AGBL5: variants seen among roughly 807,000 people sequenced by gnomAD.
The protein encoded by AGBL5 is AGBL carboxypeptidase 5.
Under a neutral mutation model 88.0 loss-of-function variants are expected in AGBL5, and 51 were observed. The ratio of observed to expected loss-of-function variants is 0.58; its 90% CI spans 0.46 to 0.73. The LOEUF (loss-of-function observed/expected upper bound fraction) is 0.73. AGBL5 is among the 30% of genes least tolerant of loss of function. The pLI is 0.00. For missense variants in AGBL5, 1,031 were observed against 1,162.2 expected (o/e 0.89, Z 1.64); for synonymous variants, 446 against 438.8 (o/e 1.02, Z -0.21).
intron 4 of AGBL5, 34 bp downstream of exon 4, chr2:27,054,093 C>G (rs1668311139): frequency 6.3e-7 from 1 of 1,578,318 alleles, no homozygotes; most frequent in South Asian, 1.2e-5. Context: ...GCCACACAGT[C>G]CTGGATCAGA....
intron 9 of AGBL5, among the ~76,000 whole-genome samples, chr2:27,057,676 C>CA (rs1668509146): frequency 6.6e-6 from 1 of 152,214 alleles, no homozygotes; most frequent in Non-Finnish European, 1.5e-5. Context: ...ACCTCTGAGT[C>CA]AGATTCTTTG....
At chr2:27,052,770 A>G in intron 1 of AGBL5, 143 bp from the exon 2 acceptor site, 1 of 473,518 alleles carries the variant, frequency 2.1e-6, no homozygotes, top group East Asian at 3.5e-5. Flanking sequence ...CTGGAAGACC[A>G]CTTCTATGTT....
At chr2:27,054,239 G>A (rs925808186) in intron 4 of AGBL5, 180 bp downstream of exon 4, 4 of 704,886 alleles carry the variant, frequency 5.7e-6, no homozygotes, top group African/African-American at 5.5e-5. Context: ...CCTGATCTCA[G>A]CATATCGACA....
intron 11 of AGBL5, among the ~76,000 whole-genome samples, chr2:27,064,974 C>T (rs1319180216): frequency 6.6e-6 from 1 of 151,612 alleles, no homozygotes; most frequent in Non-Finnish European, 1.5e-5. Context: ...AGGCTGGTCT[C>T]GAACTCCCGA....
chr2:27,056,947 G>A, intron 8 of AGBL5, 155 bp downstream of exon 8: 1 of 857,668 alleles, frequency 1.2e-6, no homozygotes, highest in South Asian at 2.4e-5. Context: ...GGCGAGCCGA[G>A]ATCGTGCCAT....
rs1668553597 is a variant in AGBL5 at position 27,058,544 on chromosome 2, ACT to A, written c.1819_1820del (p.Leu607GlufsTer36). The part of the protein sequence containing the change: ...HVRNSRGLSS[T>X]LNVGVNKKRG... Reference sequence around the variant, plus strand: ...ACGCAACAGCCGAGGCCTAAGCAGCACTCTGAATGTGGGTGTCAACAAGAAGA... The same window carrying A: ...ACGCAACAGCCGAGGCCTAAGCAGCACTGAATGTGGGTGTCAACAAGAAGA... On this transcript the variant is annotated frameshift_variant, in exon 10 of 15. Transcript: ENST00000360131. LOFTEE classifies it high-confidence loss of function. 6.2e-7 allele frequency: 1 copy of A among 1,614,028 alleles called. No individual in the cohort carries two copies. The highest frequency in any genetic ancestry group is 1.3e-5 in the African/African-American group (1 of 74,914).
chr2:27,063,839 C>A (rs1464974495), intron 11 of AGBL5, among the ~76,000 whole-genome samples: 1 of 152,160 alleles, frequency 6.6e-6, no homozygotes. Flanking sequence ...ACCTCTTAGA[C>A]CTTTGCCCAG....
chr2:27,067,423 A>G, intron 11 of AGBL5, 71 bp from the exon 12 acceptor site: 1 of 1,499,494 alleles, frequency 6.7e-7, no homozygotes, highest in Non-Finnish European at 9.1e-7. Context: ...GGAAGCCAGC[A>G]GGTCAGTGAA....
At chr2:27,052,747 C>T (rs1668222574) in intron 1 of AGBL5, among the ~76,000 whole-genome samples, 166 bp from the exon 2 acceptor site, 1 of 152,214 alleles carries the variant, frequency 6.6e-6, no homozygotes, top group African/African-American at 2.4e-5. Flanking sequence ...ATGCTGCTTT[C>T]TCTTGGCCTT....
intron 11 of AGBL5, among the ~76,000 whole-genome samples, chr2:27,064,925 T>C (rs887524272): frequency 2.0e-5 from 3 of 151,804 alleles, no homozygotes; most frequent in Non-Finnish European, 4.4e-5. Flanking sequence ...GGCTAATTTT[T>C]TGTATTTTTA....
intron 12 of AGBL5, 150 bp from the exon 13 acceptor site, chr2:27,068,482 A>C (rs1397423247): frequency 1.6e-6 from 1 of 635,708 alleles, no homozygotes; most frequent in African/African-American, 1.8e-5. Context: ...GATGCTGCGA[A>C]ACATCCTACA....
chr2:27,066,772 C>T (rs1669007818), intron 11 of AGBL5, among the ~76,000 whole-genome samples: 1 of 151,734 alleles, frequency 6.6e-6, no homozygotes, highest in South Asian at 2.1e-4. Flanking sequence ...TGGCAAAACC[C>T]CGTCTCTACT....
At chr2:27,067,468 T>C in intron 11 of AGBL5, 26 bp from the exon 12 acceptor site, 1 of 1,605,080 alleles carries the variant, frequency 6.2e-7, no homozygotes, top group Non-Finnish European at 8.5e-7. Flanking sequence ...TTTGCCCTTT[T>C]ATCTGCTTGT....
intron 9 of AGBL5, 38 bp downstream of exon 9, chr2:27,057,476 C>G (rs1668497541): frequency 3.2e-6 from 5 of 1,558,466 alleles, no homozygotes; most frequent in African/African-American, 1.4e-5. Flanking sequence ...AGGGAGAAAC[C>G]TTACAGTCTG....
chr2:27,059,251 A>C lies in AGBL5; in HGVS notation c.1936A>C (p.Thr646Pro). 1.2e-6 allele frequency: 2 copies of C among 1,614,246 alleles called. No homozygotes were observed. The highest frequency in any genetic ancestry group is 2.7e-5 in the African/African-American group (2 of 75,072). ...TCGGGCACGAAGTTTTAGCACCGGC[A>C]CAAGTGCCGGTGGTAGCAGCAGCAG... ...LSRARSFSTG[T>P]SAGGSSSSQQ... is the part of the protein sequence containing the mutation. Residue 646 changes from threonine to proline, a missense_variant, in exon 11 of 15, where the codon ACA becomes CCA. Around this residue, in one of 2 missense-constraint regions of AGBL5, gnomAD observed 491 missense variants for 484.0 expected, o/e 1.01. Coordinates refer to ENST00000360131, the MANE Select transcript of AGBL5 (RefSeq NM_021831.6).
chr2:27,052,874 T>C, intron 1 of AGBL5, 39 bp from the exon 2 acceptor site: 1 of 1,261,820 alleles, frequency 7.9e-7, no homozygotes. Flanking sequence ...TCGATTTGTC[T>C]TCCCTTTCCT....
At position 27,055,195 on chromosome 2, in the gene AGBL5, T is replaced by G; in HGVS notation, c.850T>G (p.Phe284Val). 6.2e-7 allele frequency: 1 copy of G among 1,614,206 alleles called. No homozygotes were observed. Residue 284 changes from phenylalanine (F) to valine (V), a missense_variant, in exon 6 of 15, where the codon TTC becomes GTC. Physicochemically the swap from Phe to Val is conservative, Grantham distance 50. Transcript: ENST00000360131. ...DPRAQTLRRL[F>V]VFKLIPMLNP... ...CCGGGCCCAAACCCTCCGTCGCCTC[T>G]TCGTCTTTAAGCTGATTCCCATGTT...
chr2:27,058,270 G>A, intron 9 of AGBL5, 130 bp from the exon 10 acceptor site: 1 of 1,056,562 alleles, frequency 9.5e-7, no homozygotes, highest in Non-Finnish European at 1.4e-6. Flanking sequence ...TGGGCACAAA[G>A]GTTAGGGCAT....
Position 27,063,488 on chromosome 2 carries a change from G to A in AGBL5, c.2090-4006G>A, listed in dbSNP as rs544202256. 2.4e-4 allele frequency among the ~76,000 whole-genome samples: 37 copies of A among 152,170 alleles called. No individual in the cohort carries two copies. The East Asian group carries it at 5.4e-3, about 22-fold the overall frequency. ...TGGGTGCCTGTAGTCCCAGCTACTC[G>A]GAAGGCTGAGGCAGGAGAATGGCGT... On this transcript the variant is annotated intron_variant, in intron 11 of 14. Coordinates refer to ENST00000360131, the MANE Select transcript of AGBL5 (RefSeq NM_021831.6).
Sources: allele counts gnomAD v4.1 joint callset (sites outside exome capture counted in the v4.1 genomes callset), GRCh38; gene constraint gnomAD v4.1.1; regional missense constraint gnomAD v4.1.1; transcripts MANE v1.5; gene names NCBI Gene and HGNC (gene_info 2026-07-23, HGNC 2026-07-21).